Variants in HYDIN observed in about 807,000 individuals in gnomAD.
HYDIN encodes HYDIN axonemal central pair apparatus protein.
In HYDIN, 132 loss-of-function variants were observed where a neutral mutation model predicts 403.9. The ratio of observed to expected loss-of-function variants is 0.33; its 90% CI spans 0.28 to 0.38. HYDIN has a LOEUF of 0.38. Among genes scored for constraint, HYDIN ranks in the 10% least tolerant of loss-of-function variants. The pLI is 1.00. For synonymous variants in HYDIN, 1,202 were observed against 1,891.7 expected, an observed-to-expected ratio of 0.64 and a Z score of 9.46; for missense variants, 2,827 against 5,009.5, an observed-to-expected ratio of 0.56 and a Z score of 13.15.
intron 23 of HYDIN, among the ~76,000 whole-genome samples, chr16:71,008,349 T>C (rs1460288755): frequency 1.1e-4 from 16 of 152,124 alleles, no homozygotes; most frequent in African/African-American, 3.9e-4. Flanking sequence ...TGGGCTCAGG[T>C]GCCTGGACCC....
At chr16:71,082,344 A>C (rs2082809653) in intron 12 of HYDIN, among the ~76,000 whole-genome samples, 1 of 152,166 alleles carries the variant, frequency 6.6e-6, no homozygotes, top group Non-Finnish European at 1.5e-5. Flanking sequence ...GAAATGCTAC[A>C]AACCACTAAC....
rs529982172 is a variant in HYDIN at position 70,938,774 on chromosome 16, C to T, written c.6854-19G>A. On this transcript the variant is annotated intron_variant, in intron 43 of 85. Transcript: ENST00000393567. ...TTGCGTTCTGTGAGGGGAACAGAGA[C>T]GGGAAGGTGAGGAAAAGTCCTTCTC... is the stretch of plus-strand genomic sequence containing the variant. 32 of 1,613,150 alleles carry T rather than the reference C, an allele frequency of 2.0e-5. No homozygotes were observed. Among genetic ancestry groups the T allele is most frequent in the African/African-American group, 1.3e-4 (10 of 75,026 alleles).
chr16:71,084,801 T>C (rs2082885682), intron 12 of HYDIN, among the ~76,000 whole-genome samples: 1 of 146,444 alleles, frequency 6.8e-6, no homozygotes, highest in South Asian at 2.2e-4. Flanking sequence ...TTTTTTTTAA[T>C]CATAAAAGGG....
chr16:70,859,146 A>T (rs1180678039), intron 71 of HYDIN, among the ~76,000 whole-genome samples: 2 of 151,698 alleles, frequency 1.3e-5, no homozygotes, highest in Non-Finnish European at 2.9e-5. Flanking sequence ...CTAAAAATAC[A>T]AAAAATTAGC....
rs761067945 is a variant in HYDIN, at chr16:70,807,838, G to A, written c.15108C>T (p.Tyr5036=). Residue 5036 remains tyrosine (Y), a synonymous_variant, in exon 86 of 86, where the codon TAC becomes TAT. Transcript: ENST00000393567. ...PQGPFSIRAG[Y]SIIIPFKNVF... is the part of the protein sequence containing the mutation. Reference sequence around the variant, plus strand: ...CATTCTTGAAGGGGATGATTATGCTGTACCCGGCTCGGATCGAGAAGGGAC... The same window carrying A: ...CATTCTTGAAGGGGATGATTATGCTATACCCGGCTCGGATCGAGAAGGGAC... 2.5e-6 allele frequency: 4 copies of A among 1,614,182 alleles called. No homozygotes were observed. The Admixed American group carries it at 6.7e-5, about 27-fold the overall frequency.
intron 18 of HYDIN, among the ~76,000 whole-genome samples, chr16:71,046,436 A>G (rs2144214973): frequency 6.6e-6 from 1 of 152,034 alleles, no homozygotes; most frequent in African/African-American, 2.4e-5. Flanking sequence ...GCCCTCATAT[A>G]ATGTTGCCCT....
chr16:71,025,893 T>A (rs1258723272), intron 20 of HYDIN, among the ~76,000 whole-genome samples: 1 of 152,128 alleles, frequency 6.6e-6, no homozygotes, highest in East Asian at 1.9e-4. Context: ...TTGGAAAGTT[T>A]TTGTCTTTTT....
intron 5 of HYDIN, among the ~76,000 whole-genome samples, chr16:71,174,400 C>T (rs2086584002): frequency 6.6e-6 from 1 of 152,218 alleles, no homozygotes; most frequent in South Asian, 2.1e-4. Flanking sequence ...CAAGCTAGTT[C>T]TGTCTGACTC....
At chr16:71,027,500 T>C in intron 20 of HYDIN, 102 bp downstream of exon 20, 10 of 1,540,070 alleles carry the variant, frequency 6.5e-6, no homozygotes, top group Non-Finnish European at 8.7e-6. Flanking sequence ...TGAGAAACCA[T>C]ATCCTTCCTC....
At chr16:70,891,291 C>T (rs1374387831) in intron 57 of HYDIN, among the ~76,000 whole-genome samples, 5 of 152,118 alleles carry the variant, frequency 3.3e-5, no homozygotes, top group Admixed American at 6.5e-5. Flanking sequence ...CAGGTTCAAG[C>T]GATTCTCCTG....
chr16:70,958,291 G>C (rs1301488732), intron 39 of HYDIN, among the ~76,000 whole-genome samples: 4 of 151,998 alleles, frequency 2.6e-5, no homozygotes, highest in Non-Finnish European at 5.9e-5. Flanking sequence ...AGGCTGTTAA[G>C]CTGTTCTTCA....
intron 18 of HYDIN, among the ~76,000 whole-genome samples, chr16:71,034,628 A>G (rs2081027850): frequency 1.3e-5 from 2 of 152,184 alleles, no homozygotes; most frequent in Admixed American, 6.5e-5. Flanking sequence ...AAGACAGAGC[A>G]GAAAGCTAGT....
intron 18 of HYDIN, among the ~76,000 whole-genome samples, chr16:71,056,634 C>A (rs1273580503): frequency 1.3e-5 from 2 of 152,224 alleles, no homozygotes; most frequent in East Asian, 3.8e-4. Flanking sequence ...GTGAGTGCCA[C>A]ATCTGGGAAG....
intron 5 of HYDIN, among the ~76,000 whole-genome samples, chr16:71,164,954 A>T (rs2086153340): frequency 6.6e-6 from 1 of 152,162 alleles, no homozygotes; most frequent in Non-Finnish European, 1.5e-5. Context: ...TCTTGATACA[A>T]TCCATAGGAT....
chr16:71,054,017 T>C (rs1319499037), intron 18 of HYDIN, among the ~76,000 whole-genome samples: 1 of 152,248 alleles, frequency 6.6e-6, no homozygotes, highest in Non-Finnish European at 1.5e-5. Flanking sequence ...CCAGTTCTCT[T>C]AACCAAGAGA....
intron 79 of HYDIN, 45 bp from the exon 80 acceptor site, chr16:70,833,112 G>A: frequency 6.5e-7 from 1 of 1,541,760 alleles, no homozygotes; most frequent in Non-Finnish European, 8.7e-7. Context: ...TATGGATGTT[G>A]TAAGGGTGTC....
rs2034951200 is a variant in HYDIN, at chr16:70,802,942, T to C, written c.*4638A>G. 1 of 152,188 alleles carries C rather than the reference T, an allele frequency of 6.6e-6. No homozygotes were observed. The highest frequency in any genetic ancestry group is 2.1e-4 in the South Asian group (1 of 4,834). The allele number at this position is 152,188 out of a possible 1,614,324, so 9.4% of individuals were successfully genotyped here. A position where few individuals can be genotyped will look rare whatever the true frequency, so the allele number is the denominator to read the frequency against. On this transcript the variant is annotated 3_prime_UTR_variant, in exon 86 of 86. Transcript: ENST00000393567. ...ACATCTCCAAATGTCTTGCAAAGTT[T>C]GGTTTTAGGATTTTGATGATGGTTG... is the stretch of plus-strand genomic sequence containing the variant.
chr16:70,875,593 T>A (rs1368630662), intron 62 of HYDIN, among the ~76,000 whole-genome samples: 3 of 152,198 alleles, frequency 2.0e-5, no homozygotes, highest in Non-Finnish European at 4.4e-5. Context: ...AATAGTGATA[T>A]CACACGGGAA....
At chr16:71,197,465 A>G (rs1303305026) in intron 1 of HYDIN, among the ~76,000 whole-genome samples, 1 of 152,226 alleles carries the variant, frequency 6.6e-6, no homozygotes, top group Non-Finnish European at 1.5e-5. Context: ...AGTTTGATTG[A>G]GCAGGTGATA....
Sources: gnomAD v4.1 joint callset for allele counts (sites outside exome capture counted in the v4.1 genomes callset) on GRCh38, gnomAD v4.1.1 for gene constraint, MANE v1.5 for transcripts, NCBI Gene and HGNC (gene_info 2026-07-23, HGNC 2026-07-21) for gene names.